The following GPR89B variants were observed in gnomAD, a reference collection of about 807,000 sequenced individuals.
The protein encoded by GPR89B is golgi pH regulator B, also known as G protein-coupled receptor 89B.
Under a neutral mutation model 52.4 loss-of-function variants are expected in GPR89B, and 25 were observed. The observed-to-expected ratio is 0.48, with a 90% CI of 0.35 to 0.67. The LOEUF is 0.67. GPR89B is among the 30% of genes least tolerant of loss of function. The pLI is 0.01. For synonymous variants in GPR89B, 52 were observed against 151.2 expected, an observed-to-expected ratio of 0.34 and a Z score of 4.81; for missense variants, 146 against 450.2, an observed-to-expected ratio of 0.32 and a Z score of 6.11.
intron 5 of GPR89B, among the ~76,000 whole-genome samples, chr1:147,950,045 G>C (rs1279359090): frequency 6.9e-6 from 1 of 145,820 alleles, no homozygotes; most frequent in South Asian, 2.2e-4. Flanking sequence ...CCTCCCTCCC[G>C]GACGGGGCGG....
downstream of GPR89B, chr1:147,994,479 A>G (rs1659266324): frequency 3.6e-6 from 2 of 562,724 alleles, no homozygotes; most frequent in Non-Finnish European, 6.5e-6. Context: ...CTTTCACAGC[A>G]TGCAGTTGAC....
chr1:147,990,938 T>C (rs1182748824), intron 12 of GPR89B, among the ~76,000 whole-genome samples: 7 of 151,946 alleles, frequency 4.6e-5, no homozygotes, highest in African/African-American at 1.7e-4. Context: ...GCGGGCTCTT[T>C]TTGGTTCCAT....
At chr1:147,951,187 T>G (rs587693252) in intron 5 of GPR89B, among the ~76,000 whole-genome samples, 2 of 151,578 alleles carry the variant, frequency 1.3e-5, no homozygotes, top group South Asian at 4.2e-4. Flanking sequence ...CTAAGTTACT[T>G]AACCTCTCTG....
At chr1:147,983,490 A>G (rs1358577164) in intron 10 of GPR89B, among the ~76,000 whole-genome samples, 1 of 152,182 alleles carries the variant, frequency 6.6e-6, no homozygotes, top group Non-Finnish European at 1.5e-5. Flanking sequence ...GAAAAAAACA[A>G]ACAACCCCAT....
At chr1:147,988,039 T>G (rs1303937535) in intron 11 of GPR89B, among the ~76,000 whole-genome samples, 3 of 152,134 alleles carry the variant, frequency 2.0e-5, no homozygotes, top group Non-Finnish European at 2.9e-5. Context: ...TCTGATTTAT[T>G]AGCGTTATTT....
At chr1:148,021,993 G>A in the GPR89B span, 1 of 148,810 alleles carries the variant, frequency 6.7e-6, no homozygotes, top group African/African-American at 2.5e-5. Flanking sequence ...TCTCTTTCGG[G>A]AAGGGGTAAG....
intron 7 of GPR89B, among the ~76,000 whole-genome samples, chr1:147,966,334 T>C (rs1271007171): frequency 6.6e-6 from 1 of 150,974 alleles, no homozygotes; most frequent in Admixed American, 6.6e-5. Flanking sequence ...TCCTCAAATT[T>C]ATTGCCTAGC....
rs1336395040 is a variant in GPR89B at position 147,940,217 on chromosome 1, C to T, written c.206+1400C>T. Among the ~76,000 whole-genome samples, 9 of 151,886 alleles carry T rather than the reference C, an allele frequency of 5.9e-5. 1 individual carries two copies. The highest frequency in any genetic ancestry group is 2.2e-4 in the African/African-American group (9 of 41,384). On this transcript the variant is annotated intron_variant, in intron 3 of 13. Coordinates refer to ENST00000314163, the MANE Select transcript of GPR89B (RefSeq NM_016334.5). ...AGGAGATCAAGACCATCCTGGCTAA[C>T]ATGGTGAAACCCCGTCTCTACTAAA...
intron 1 of GPR89B, among the ~76,000 whole-genome samples, chr1:147,930,655 T>G (rs1481293044): frequency 6.6e-6 from 1 of 152,024 alleles, no homozygotes; most frequent in African/African-American, 2.4e-5. Flanking sequence ...AACTGAAAGG[T>G]TTATTTGAAA....
chr1:148,016,743 A>G, the GPR89B span, among the ~76,000 whole-genome samples: 18 of 151,790 alleles, frequency 1.2e-4, no homozygotes, highest in African/African-American at 4.4e-4. Flanking sequence ...AATAACAAAG[A>G]AAGAAAATAA....
At chr1:148,002,532 A>C in the GPR89B span, among the ~76,000 whole-genome samples, 1 of 152,138 alleles carries the variant, frequency 6.6e-6, no homozygotes, top group Non-Finnish European at 1.5e-5. Context: ...ATTTGACCTT[A>C]CATAATTACT....
At chr1:147,932,586 T>G (rs587630788) in intron 1 of GPR89B, among the ~76,000 whole-genome samples, 1 of 152,290 alleles carries the variant, frequency 6.6e-6, no homozygotes, top group Non-Finnish European at 1.5e-5. Context: ...CTCACCTCTC[T>G]TACTCTTAGC....
At chr1:147,949,304 G>T (rs1196348927) in intron 5 of GPR89B, among the ~76,000 whole-genome samples, 1 of 149,158 alleles carries the variant, frequency 6.7e-6, no homozygotes, top group African/African-American at 2.6e-5. Flanking sequence ...TGGTGGCTGG[G>T]CAGAGGGGCT....
At chr1:148,011,435 T>C in the GPR89B span, 1 of 152,164 alleles carries the variant, frequency 6.6e-6, no homozygotes, top group Non-Finnish European at 1.5e-5. Context: ...CCCTGAGTAA[T>C]CCAAAGGCCA....
chr1:147,944,999 G>T (rs1553249560), intron 5 of GPR89B, among the ~76,000 whole-genome samples: 1 of 150,908 alleles, frequency 6.6e-6, no homozygotes, highest in Non-Finnish European at 1.5e-5. Flanking sequence ...AGCAGAAAGT[G>T]ATTAATTATA....
intron 5 of GPR89B, among the ~76,000 whole-genome samples, chr1:147,949,072 TGGG>T (rs1553250292): frequency 4.6e-5 from 7 of 152,048 alleles, no homozygotes. Flanking sequence ...AGCACAGGGT[TGGG>T]GGTAGGGTCA....
At chr1:147,941,215 T>C (rs1165044025) in intron 3 of GPR89B, among the ~76,000 whole-genome samples, 1 of 152,216 alleles carries the variant, frequency 6.6e-6, no homozygotes, top group Non-Finnish European at 1.5e-5. Context: ...TTCAAGAGAA[T>C]ATCACTTTAC....
chr1:147,936,729 A>C (rs1654123554), intron 2 of GPR89B, 43 bp downstream of exon 2: 1 of 1,544,016 alleles, frequency 6.5e-7, no homozygotes, highest in African/African-American at 1.4e-5. Context: ...ATATGAATTT[A>C]GATTGACAAG....
intron 10 of GPR89B, among the ~76,000 whole-genome samples, chr1:147,975,650 A>G (rs1367354274): frequency 6.6e-6 from 1 of 152,122 alleles, no homozygotes; most frequent in African/African-American, 2.4e-5. Context: ...TCGTGTCTCT[A>G]TCTCCTGCAG....
Sources: allele counts gnomAD v4.1 joint callset (sites outside exome capture counted in the v4.1 genomes callset), GRCh38; gene constraint gnomAD v4.1.1; transcripts MANE v1.5; gene names NCBI Gene and HGNC (gene_info 2026-07-23, HGNC 2026-07-21).